Variants in NEURL1 observed in about 807,000 individuals in gnomAD.
NEURL1 encodes the protein neuralized E3 ubiquitin protein ligase 1.
NEURL1 carries 26 observed loss-of-function variants against 41.2 expected under a neutral mutation model. The ratio of observed to expected loss-of-function variants is 0.63; its 90% CI spans 0.46 to 0.87. The LOEUF is 0.87. Among genes scored for constraint, NEURL1 ranks in the 40% least tolerant of loss-of-function variants. NEURL1 has a pLI of 0.00. For missense variants in NEURL1, 761 were observed against 871.1 expected, an observed-to-expected ratio of 0.87 and a Z score of 1.59; for synonymous variants, 400 against 402.3, an observed-to-expected ratio of 0.99 and a Z score of 0.07.
At chr10:103,501,572 C>T (rs1273011680) in intron 1 of NEURL1, among the ~76,000 whole-genome samples, 1 of 151,572 alleles carries the variant, frequency 6.6e-6, no homozygotes, top group Non-Finnish European at 1.5e-5. Flanking sequence ...TAAATAAATT[C>T]ATTTAATCTC....
At chr10:103,528,079 G>A (rs2034497796) in intron 1 of NEURL1, among the ~76,000 whole-genome samples, 1 of 152,146 alleles carries the variant, frequency 6.6e-6, no homozygotes, top group Non-Finnish European at 1.5e-5. Context: ...AATTAGGCCA[G>A]GCACGTTGGC....
chr10:103,514,575 G>C (rs1441789606), intron 1 of NEURL1, among the ~76,000 whole-genome samples: 1 of 152,164 alleles, frequency 6.6e-6, no homozygotes, highest in Non-Finnish European at 1.5e-5. Context: ...TTTGTCTGGG[G>C]AAGTCCTCCT....
At chr10:103,532,202 A>G (rs1222025317) in intron 1 of NEURL1, among the ~76,000 whole-genome samples, 1 of 152,176 alleles carries the variant, frequency 6.6e-6, no homozygotes, top group Non-Finnish European at 1.5e-5. Context: ...GTTATTGTTG[A>G]TAGGTGAGGA....
rs747569176 is a variant in NEURL1 at position 103,584,670 on chromosome 10, G to C, written c.784G>C (p.Gly262Arg). Reference protein sequence around the residue: ...LCDLNVPGADGDEAAPAAGCP... With the variant: ...LCDLNVPGADRDEAAPAAGCP... ...CGACCTCAACGTGCCGGGCGCGGACGGCGACGAGGCCGCGCCGGCCGCCGG... is the reference window on the plus strand; with the variant it reads ...CGACCTCAACGTGCCGGGCGCGGACCGCGACGAGGCCGCGCCGGCCGCCGG... Residue 262 changes from glycine to arginine, a missense_variant, in exon 4 of 6, where the codon GGC (glycine) becomes CGC (arginine). Around this residue, in one of 5 missense-constraint regions of NEURL1, gnomAD observed 443 missense variants for 408.1 expected, o/e 1.09. Coordinates refer to ENST00000369780, the MANE Select transcript of NEURL1 (RefSeq NM_004210.5). 4 of 1,427,856 alleles carry C rather than the reference G, an allele frequency of 2.8e-6. No individual in the cohort carries two copies. The South Asian group carries it at 5.8e-5, about 21-fold the overall frequency. The allele number at this position is 1,427,856 out of a possible 1,614,324, so 88.4% of individuals were successfully genotyped here.
At position 103,535,466 on chromosome 10, in the gene NEURL1, C is replaced by T. The variant is rs369793052; in HGVS notation, c.86-35406C>T. ...CAGGAGCTGGTGTGCTGCTTCAGCT[C>T]ATGCTTGGGGGTGATAGGGGACATG... is the stretch of plus-strand genomic sequence containing the variant. On this transcript the variant is annotated intron_variant, in intron 1 of 5. Coordinates refer to ENST00000369780, the MANE Select transcript of NEURL1 (RefSeq NM_004210.5). 1.1e-4 allele frequency among the ~76,000 whole-genome samples: 16 copies of T among 152,302 alleles called. No homozygotes were observed. The East Asian group carries it at 2.9e-3, about 28-fold the overall frequency.
rs2035908551 is a variant in NEURL1 at position 103,585,726 on chromosome 10, C to CG, written c.1339+504dup. Among the ~76,000 whole-genome samples the CG allele has an allele frequency of 4.0e-5, 6 of 150,278 alleles. No homozygotes were observed. The South Asian group carries it at 1.3e-3, about 32-fold the overall frequency. On this transcript the variant is annotated intron_variant, in intron 4 of 5. Coordinates refer to ENST00000369780, the MANE Select transcript of NEURL1 (RefSeq NM_004210.5). ...GTGGGCGCCTGTAGTCCCAGCTACT[C>CG]GGGAGGCTGAGGCAGGAGAATGGCT...
intron 1 of NEURL1, among the ~76,000 whole-genome samples, chr10:103,557,790 CA>C (rs2035188700): frequency 6.6e-6 from 1 of 152,236 alleles, no homozygotes; most frequent in African/African-American, 2.4e-5. Context: ...GCGGGAGACG[CA>C]GGGGTTTGCT....
At chr10:103,525,706 CT>C in intron 1 of NEURL1, among the ~76,000 whole-genome samples, 1 of 152,248 alleles carries the variant, frequency 6.6e-6, no homozygotes, top group South Asian at 2.1e-4. Context: ...GACAATCTGA[CT>C]TCCTGTTGTC....
chr10:103,575,417 C>T (rs1233563736), intron 3 of NEURL1, among the ~76,000 whole-genome samples: 2 of 152,228 alleles, frequency 1.3e-5, no homozygotes, highest in Non-Finnish European at 2.9e-5. Context: ...TTCTGCCAGG[C>T]CTGCCCCTGC....
rs2034979715 is a variant in NEURL1 at position 103,548,919 on chromosome 10, G to GGGC, written c.86-21952_86-21950dup. ...CTCCCACCCTCCATGTGGGTGGGGT[G>GGGC]GGCACATCCATCCACCCTTCCTGAC... is the stretch of plus-strand genomic sequence containing the variant. On this transcript the variant is annotated intron_variant, in intron 1 of 5. Coordinates refer to ENST00000369780, the MANE Select transcript of NEURL1 (RefSeq NM_004210.5). 4.6e-5 allele frequency among the ~76,000 whole-genome samples: 7 copies of GGGC among 152,258 alleles called. No individual in the cohort carries two copies. The South Asian group carries it at 1.5e-3, about 32-fold the overall frequency.
rs1251633175 is a variant in NEURL1 at position 103,592,305 on chromosome 10, G to A, written c.*1933G>A. ...GGGCCTTTGTGCTGGCCTTGCAGTG[G>A]GTGTGTGGGGAAGTCACTGTCCCAC... On this transcript the variant is annotated 3_prime_UTR_variant, in exon 6 of 6. Coordinates refer to ENST00000369780, the MANE Select transcript of NEURL1 (RefSeq NM_004210.5). The surrounding 1 kb of genome is among the most constrained non-coding windows in gnomAD (Gnocchi z 4.8). 6.6e-6 allele frequency: 1 copy of A among 152,612 alleles called. No individual in the cohort carries two copies. The highest frequency in any genetic ancestry group is 1.5e-5 in the Non-Finnish European group (1 of 68,112). 9.5% of individuals were successfully genotyped at this position (152,612 alleles called of 1,614,324 possible). A position where few individuals can be genotyped will look rare whatever the true frequency, so the allele number is the denominator to read the frequency against.
chr10:103,506,805 C>A (rs1237503999), intron 1 of NEURL1, among the ~76,000 whole-genome samples: 4 of 152,346 alleles, frequency 2.6e-5, no homozygotes, highest in Admixed American at 2.6e-4. Context: ...AGTGATCTGC[C>A]TGCCTCGGCC....
At position 103,589,291 on chromosome 10, in the gene NEURL1, G is replaced by C. The variant is rs2035987322; in HGVS notation, c.1340-223G>C. ...ACCCTCCAGTTCATAGGTGAGAACA[G>C]AGGCCAGGCTGGGTGCTGTCTGGGG... On this transcript the variant is annotated intron_variant, in intron 4 of 5. Transcript: ENST00000369780. Among the ~76,000 whole-genome samples, 5 of 152,344 alleles carry C rather than the reference G, an allele frequency of 3.3e-5. No homozygotes were observed. The South Asian group carries it at 1.0e-3, about 32-fold the overall frequency.
In NEURL1 at chr10:103,566,818, G is replaced by A. The variant is rs998507016; in HGVS notation, c.86-4054G>A. On this transcript the variant is annotated intron_variant, in intron 1 of 5. Coordinates refer to ENST00000369780, the MANE Select transcript of NEURL1 (RefSeq NM_004210.5). This position sits in a 1 kb window ranked among gnomAD's most constrained non-coding sequence, Gnocchi z 4.2. ...GGTTGTGTCGTGTCCCAACAGGAAT[G>A]TAGGAGGGCTGAGGACATGGTTTAC... Among the ~76,000 whole-genome samples the A allele has an allele frequency of 1.3e-5, 2 of 152,168 alleles. No individual in the cohort carries two copies. The highest frequency in any genetic ancestry group is 4.8e-5 in the African/African-American group (2 of 41,424).
At chr10:103,536,304 G>A (rs1208324428) in intron 1 of NEURL1, among the ~76,000 whole-genome samples, 1 of 152,206 alleles carries the variant, frequency 6.6e-6, no homozygotes, top group African/African-American at 2.4e-5. Flanking sequence ...AGCGCTTTGG[G>A]AGGCTGAGGC....
chr10:103,513,314 C>G (rs922418863), intron 1 of NEURL1, among the ~76,000 whole-genome samples: 1 of 152,246 alleles, frequency 6.6e-6, no homozygotes, highest in Non-Finnish European at 1.5e-5. Context: ...CTAACATAAA[C>G]CAGCCGGAAC....
At chr10:103,506,662 C>T (rs1410364528) in intron 1 of NEURL1, among the ~76,000 whole-genome samples, 5 of 151,938 alleles carry the variant, frequency 3.3e-5, no homozygotes, top group South Asian at 2.1e-4. Context: ...CGGGTTCAAG[C>T]GATTCTCATG....
chr10:103,513,285 T>G (rs1437605985), intron 1 of NEURL1, among the ~76,000 whole-genome samples: 1 of 152,240 alleles, frequency 6.6e-6, no homozygotes, highest in Non-Finnish European at 1.5e-5. Flanking sequence ...AATGTGAAGG[T>G]CTGTTTAGTC....
At chr10:103,500,664 C>T (rs1164084959) in intron 1 of NEURL1, among the ~76,000 whole-genome samples, 18 of 152,242 alleles carry the variant, frequency 1.2e-4, no homozygotes, top group Non-Finnish European at 4.4e-5. Context: ...CCAGCCTCCT[C>T]CCCCTTACGC....
Sources: gnomAD v4.1 joint callset for allele counts (sites outside exome capture counted in the v4.1 genomes callset) on GRCh38, gnomAD v4.1.1 for gene constraint, gnomAD v4.1.1 regional missense constraint, Gnocchi (gnomAD v3.1) non-coding constraint, MANE v1.5 for transcripts, NCBI Gene and HGNC (gene_info 2026-07-23, HGNC 2026-07-21) for gene names.